Variants in ATP8B4 observed in about 807,000 individuals in gnomAD.
The protein encoded by ATP8B4 is ATPase phospholipid transporting 8B4 (putative).
Under a neutral mutation model 145.6 loss-of-function variants are expected in ATP8B4, and 133 were observed. The observed-to-expected ratio is 0.91, with a 90% confidence interval of 0.79 to 1.05. The LOEUF is 1.05. ATP8B4 is among the 50% of genes least tolerant of loss of function. The pLI, the probability that ATP8B4 is intolerant of heterozygous loss-of-function variation, is 0.00. For missense variants in ATP8B4, 1,458 were observed against 1,425.2 expected, an observed-to-expected ratio of 1.02 and a Z score of -0.37; for synonymous variants, 507 against 492.9, an observed-to-expected ratio of 1.03 and a Z score of -0.38.
At chr15:50,002,345 G>T in intron 7 of ATP8B4, 122 bp from the exon 8 acceptor site, 1 of 732,804 alleles carries the variant, frequency 1.4e-6, no homozygotes, top group Non-Finnish European at 2.2e-6. Flanking sequence ...AGTAAAAGAA[G>T]TGAGATCCTG....
At chr15:50,075,210 G>A (rs1042758472) in intron 2 of ATP8B4, among the ~76,000 whole-genome samples, 2 of 152,004 alleles carry the variant, frequency 1.3e-5, no homozygotes, top group Non-Finnish European at 2.9e-5. Flanking sequence ...GATGGAGGAG[G>A]GAAGAGCAAA....
intron 7 of ATP8B4, among the ~76,000 whole-genome samples, chr15:50,007,914 T>C (rs1383418853): frequency 6.6e-6 from 1 of 152,214 alleles, no homozygotes; most frequent in African/African-American, 2.4e-5. Flanking sequence ...TGAGGTGGAT[T>C]TGAAGGACTC....
chr15:49,966,455 G>A (rs572010029), intron 13 of ATP8B4, among the ~76,000 whole-genome samples: 8 of 152,286 alleles, frequency 5.3e-5, no homozygotes, highest in Non-Finnish European at 8.8e-5. Context: ...CCACCATTAC[G>A]GAGGCTTGAG....
At chr15:50,088,698 T>G (rs2055387279) in intron 2 of ATP8B4, among the ~76,000 whole-genome samples, 1 of 152,228 alleles carries the variant, frequency 6.6e-6, no homozygotes, top group Admixed American at 6.5e-5. Context: ...CCGACCAGAA[T>G]GTGAGCTCCA....
At chr15:50,010,437 TTA>T (rs1214817174) in intron 7 of ATP8B4, among the ~76,000 whole-genome samples, 2 of 152,050 alleles carry the variant, frequency 1.3e-5, no homozygotes, top group East Asian at 3.9e-4. Flanking sequence ...TTTCTCTAGC[TTA>T]TTTTTTTTCA....
At chr15:49,956,791 C>CCCA (rs1355509230) in intron 14 of ATP8B4, among the ~76,000 whole-genome samples, 5 of 152,262 alleles carry the variant, frequency 3.3e-5, no homozygotes, top group Non-Finnish European at 7.4e-5. Flanking sequence ...AAACAATCCT[C>CCCA]CCACCTCACC....
chr15:49,924,189 C>A (rs78665032), intron 16 of ATP8B4, among the ~76,000 whole-genome samples: 1,755 of 152,274 alleles, frequency 0.012, 39 homozygotes, highest in African/African-American at 0.041. Flanking sequence ...ACCCTCAACT[C>A]CATTCCCACC....
intron 1 of ATP8B4, among the ~76,000 whole-genome samples, chr15:50,139,899 A>G (rs1488077592): frequency 6.6e-6 from 1 of 152,142 alleles, no homozygotes; most frequent in Non-Finnish European, 1.5e-5. Context: ...AGAAATTAAA[A>G]CTGGATAAGC....
intron 23 of ATP8B4, among the ~76,000 whole-genome samples, chr15:49,882,441 T>A (rs2035567360): frequency 1.3e-5 from 2 of 152,334 alleles, no homozygotes; most frequent in South Asian, 4.1e-4. Flanking sequence ...ATAAAAATAC[T>A]CATAGCAGCA....
chr15:49,958,264 A>T (rs1010487908), intron 14 of ATP8B4, among the ~76,000 whole-genome samples: 3 of 151,592 alleles, frequency 2.0e-5, no homozygotes, highest in African/African-American at 7.2e-5. Flanking sequence ...ATGTAATAAA[A>T]CTAAAGCAGT....
intron 1 of ATP8B4, among the ~76,000 whole-genome samples, chr15:50,160,015 CTT>C (rs35773416): frequency 5.0e-5 from 1 of 20,080 alleles, no homozygotes; most frequent in Non-Finnish European, 8.4e-5. Flanking sequence ...CAGGTCCTGG[CTT>C]TTTTTTTTTT....
intron 9 of ATP8B4, among the ~76,000 whole-genome samples, chr15:49,995,519 A>G (rs985730753): frequency 4.6e-5 from 7 of 152,084 alleles, no homozygotes; most frequent in Non-Finnish European, 8.8e-5. Context: ...TTTTTTTTCT[A>G]TAAACATCTG....
intron 1 of ATP8B4, among the ~76,000 whole-genome samples, chr15:50,176,953 C>T: frequency 6.6e-6 from 1 of 152,086 alleles, no homozygotes; most frequent in East Asian, 1.9e-4. Flanking sequence ...TATCACATAC[C>T]ACCTCCATCA....
rs372934404 is a variant in ATP8B4, at chr15:49,911,903, C to T, written c.2141+5031G>A. Reference sequence around the variant, plus strand: ...AAAGGAACTTAGAAACAATACACTACATGAAAATTAAACATGTTCCTGAAT... The same window carrying T: ...AAAGGAACTTAGAAACAATACACTATATGAAAATTAAACATGTTCCTGAAT... On this transcript the variant is annotated intron_variant, in intron 20 of 27. Coordinates refer to ENST00000284509, the MANE Select transcript of ATP8B4 (RefSeq NM_024837.4). Among the ~76,000 whole-genome samples the T allele has an allele frequency of 1.8e-4, 27 of 152,074 alleles. No individual in the cohort carries two copies. The South Asian group carries it at 5.6e-3, about 32-fold the overall frequency.
In ATP8B4 at chr15:50,054,804, A is replaced by C. The variant is rs914497346; in HGVS notation, c.88-7340T>G. On this transcript the variant is annotated intron_variant, in intron 3 of 27. Coordinates refer to ENST00000284509, the MANE Select transcript of ATP8B4 (RefSeq NM_024837.4). ...GCCTCAAAAAAAAAAAAAAAAAAAAAAAAAACAAAAAAAAAAAAACACCAA... is the reference window on the plus strand; with the variant it reads ...GCCTCAAAAAAAAAAAAAAAAAAAACAAAAACAAAAAAAAAAAAACACCAA... Among the ~76,000 whole-genome samples, 144 of 138,412 alleles carry C rather than the reference A, an allele frequency of 1.0e-3. 2 individuals carry two copies. The highest frequency in any genetic ancestry group is 4.5e-3 in the Admixed American group (66 of 14,592). 90.8% of individuals were successfully genotyped at this position (138,412 alleles called of 152,430 possible). A position where few individuals can be genotyped will look rare whatever the true frequency, so the allele number is the denominator to read the frequency against.
At chr15:50,155,169 A>T (rs8039753) in intron 1 of ATP8B4, among the ~76,000 whole-genome samples, 14,626 of 152,182 alleles carry the variant, frequency 0.096, 962 homozygotes, top group African/African-American at 0.17. Context: ...AGTTAAATAT[A>T]TATTCATTTT....
At chr15:49,900,887 T>G (rs755138343) in intron 21 of ATP8B4, among the ~76,000 whole-genome samples, 11 of 152,114 alleles carry the variant, frequency 7.2e-5, no homozygotes, top group Non-Finnish European at 1.2e-4. Context: ...GAGCCTCCCC[T>G]TTACTGTGGT....
intron 5 of ATP8B4, among the ~76,000 whole-genome samples, chr15:50,043,422 C>T (rs941610381): frequency 6.6e-6 from 1 of 151,928 alleles, no homozygotes; most frequent in Non-Finnish European, 1.5e-5. Context: ...TTTTTTTTCT[C>T]TAAAGGCTAT....
At chr15:49,895,672 T>C (rs1200160236) in intron 23 of ATP8B4, 1 of 152,206 alleles carries the variant, frequency 6.6e-6, no homozygotes, top group East Asian at 1.9e-4. Flanking sequence ...TCTTTTAAAA[T>C]GCAAATACCA....
Sources: gnomAD v4.1 joint callset for allele counts (sites outside exome capture counted in the v4.1 genomes callset) on GRCh38, gnomAD v4.1.1 for gene constraint, MANE v1.5 for transcripts, NCBI Gene and HGNC (gene_info 2026-07-23, HGNC 2026-07-21) for gene names.